The following PATL1 variants were observed in gnomAD, a reference collection of about 807,000 sequenced individuals.
PATL1 encodes the protein PAT1 homolog 1, processing body mRNA decay factor.
In PATL1, 32 loss-of-function variants were observed where a neutral mutation model predicts 100.6. The ratio of observed to expected loss-of-function variants is 0.32; its 90% CI spans 0.24 to 0.43. The LOEUF is 0.43. PATL1 is among the 20% of genes least tolerant of loss of function. PATL1 has a pLI of 1.00. For missense variants in PATL1, 747 were observed against 949.9 expected (o/e 0.79, Z 2.81); for synonymous variants, 332 against 330.0 (o/e 1.01, Z -0.07).
chr11:59,652,442 A>G, intron 11 of PATL1, 22 bp downstream of exon 11: 1 of 1,589,076 alleles, frequency 6.3e-7, no homozygotes, highest in Non-Finnish European at 8.5e-7. Context: ...TATTATGGGC[A>G]TTTTTCTTAT....
chr11:59,654,124 ATT>A, intron 8 of PATL1, 52 bp from the exon 9 acceptor site: 1 of 1,443,292 alleles, frequency 6.9e-7, no homozygotes, highest in African/African-American at 1.4e-5. Flanking sequence ...ATGACTTGAA[ATT>A]TTAAAGAATG....
At chr11:59,640,992 C>G (rs950422053) in intron 16 of PATL1, among the ~76,000 whole-genome samples, 3 of 152,008 alleles carry the variant, frequency 2.0e-5, no homozygotes, top group Non-Finnish European at 4.4e-5. Flanking sequence ...GCCAACATGG[C>G]AAAACCCTGT....
At chr11:59,656,140 A>G in intron 6 of PATL1, 95 bp from the exon 7 acceptor site, 1 of 713,396 alleles carries the variant, frequency 1.4e-6, no homozygotes, top group Non-Finnish European at 2.2e-6. Context: ...ATAAACTTGG[A>G]TATAAAAACT....
intron 2 of PATL1, among the ~76,000 whole-genome samples, chr11:59,663,989 A>G (rs1323991868): frequency 6.6e-6 from 1 of 152,184 alleles, no homozygotes; most frequent in African/African-American, 2.4e-5. Flanking sequence ...TGTTATGAGG[A>G]ATTAAGATCT....
chr11:59,665,852 T>C (rs1861679890), intron 2 of PATL1, among the ~76,000 whole-genome samples: 1 of 152,234 alleles, frequency 6.6e-6, no homozygotes, highest in Non-Finnish European at 1.5e-5. Context: ...CCACTTGTTC[T>C]ACACCTGTTC....
Position 59,656,472 on chromosome 11 carries a change from A to G in PATL1, c.723+27T>C, listed in dbSNP as rs778628991. The G allele has an allele frequency of 1.9e-6, 3 of 1,575,270 alleles. No homozygotes were observed. In the Admixed American group the frequency reaches 5.0e-5, roughly 26 times the overall value. ...AGTGATCAGAAAATACATACTGCAC[A>G]TTTTTGTTAGGCTTAAAGTGACATA... On this transcript the variant is annotated intron_variant, in intron 6 of 18. Transcript: ENST00000300146.
intron 15 of PATL1, among the ~76,000 whole-genome samples, chr11:59,645,746 T>C (rs556744992): frequency 6.6e-6 from 1 of 152,310 alleles, no homozygotes; most frequent in South Asian, 2.1e-4. Flanking sequence ...TGAAAATTAT[T>C]CCACTTTTGG....
rs114449363 is a variant in PATL1 at position 59,654,036 on chromosome 11, G to A, written c.1068C>T (p.His356=). 1,022 of 1,613,856 alleles carry A rather than the reference G, an allele frequency of 6.3e-4. 3 individuals are homozygous for A. The African/African-American group carries it at 0.012, about 19-fold the overall frequency. ...QAPMFRPDTT[H]LHPQHRRLLH... ...AGAGTCGACGGTGCTGTGGATGGAG[G>A]TGAGTTGTGTCCGGTCTAAACATTG... is the stretch of plus-strand genomic sequence containing the variant. Residue 356 remains histidine, a synonymous_variant, in exon 9 of 19, where the codon CAC becomes CAT. Transcript: ENST00000300146.
In PATL1 at chr11:59,665,585, G is replaced by T. The variant is rs372670647; in HGVS notation, c.127+1268C>A. 9.0e-3 allele frequency among the ~76,000 whole-genome samples: 1,367 copies of T among 152,204 alleles called. 19 individuals are homozygous for T. The highest frequency in any genetic ancestry group is 0.03 in the African/African-American group (1,265 of 41,518). ...GGAGGCTGAGGAGGGATCACTTGAG[G>T]TCAGGAGTTCATGACCACCCTGGCC... On this transcript the variant is annotated intron_variant, in intron 2 of 18. Transcript: ENST00000300146.
chr11:59,655,918 GGA>G, intron 7 of PATL1, 36 bp downstream of exon 7: 1 of 1,480,264 alleles, frequency 6.8e-7, no homozygotes, highest in Non-Finnish European at 9.3e-7. Flanking sequence ...TAGGAAAGTA[GGA>G]GAGTTCTTTA....
intron 13 of PATL1, among the ~76,000 whole-genome samples, chr11:59,650,106 A>C (rs1332993898): frequency 6.9e-6 from 1 of 144,286 alleles, no homozygotes; most frequent in Admixed American, 6.9e-5. Context: ...GGGGAACAAG[A>C]GTGAAACTCC....
chr11:59,640,535 C>T (rs750556723), intron 16 of PATL1, among the ~76,000 whole-genome samples: 62 of 148,718 alleles, frequency 4.2e-4, no homozygotes, highest in Admixed American at 1.0e-3. Context: ...CTGGCTAACA[C>T]GGTGAAACCC....
intron 6 of PATL1, 119 bp from the exon 7 acceptor site, chr11:59,656,164 G>A: frequency 1.6e-6 from 1 of 606,322 alleles, no homozygotes. Context: ...AAATTACAGA[G>A]TCAAGCTCTG....
chr11:59,643,753 GGAA>G (rs921023828), intron 15 of PATL1, among the ~76,000 whole-genome samples: 3 of 152,066 alleles, frequency 2.0e-5, no homozygotes, highest in Non-Finnish European at 2.9e-5. Flanking sequence ...AGCTCAATGA[GGAA>G]GAAAAGAAAT....
chr11:59,637,916 T>G lies in PATL1; in HGVS notation c.*474A>C, dbSNP rs941414982. 5 of 157,708 alleles carry G rather than the reference T, an allele frequency of 3.2e-5. No homozygotes were observed. The highest frequency in any genetic ancestry group is 7.0e-5 in the Non-Finnish European group (5 of 71,306). The allele number at this position is 157,708 out of a possible 1,614,324, so 9.8% of individuals were successfully genotyped here. On this transcript the variant is annotated 3_prime_UTR_variant, in exon 19 of 19. Transcript: ENST00000300146. Reference sequence around the variant, plus strand: ...AGACCACATAAATACATGTATGGGGTGTGTGTGTGTGTATCTATGTGTGTG... The same window carrying G: ...AGACCACATAAATACATGTATGGGGGGTGTGTGTGTGTATCTATGTGTGTG...
chr11:59,650,135 A>AG (rs1311865143), intron 13 of PATL1, among the ~76,000 whole-genome samples: 2 of 138,126 alleles, frequency 1.4e-5, no homozygotes, highest in African/African-American at 5.0e-5. Context: ...AGGAAAAAAA[A>AG]AAAAAAAAAA....
At chr11:59,652,174 A>T (rs1861457427) in intron 11 of PATL1, among the ~76,000 whole-genome samples, 2 of 151,962 alleles carry the variant, frequency 1.3e-5, no homozygotes, top group Non-Finnish European at 2.9e-5. Context: ...ATCACAATAA[A>T]AATCTGAAGT....
At chr11:59,638,965 G>A in intron 18 of PATL1, 83 bp downstream of exon 18, 1 of 1,459,350 alleles carries the variant, frequency 6.9e-7, no homozygotes, top group South Asian at 1.3e-5. Context: ...TTACAGGTGT[G>A]AGCCACCGTA....
chr11:59,638,109 G>A lies in PATL1; in HGVS notation c.*281C>T, dbSNP rs1207187439. On this transcript the variant is annotated 3_prime_UTR_variant, in exon 19 of 19. Coordinates refer to ENST00000300146, the MANE Select transcript of PATL1 (RefSeq NM_152716.3). ...GGAGAGATTACACTTGTGTCTCTAGGGCAAAGAAAATGCAAAACAGAACTG... is the reference window on the plus strand; with the variant it reads ...GGAGAGATTACACTTGTGTCTCTAGAGCAAAGAAAATGCAAAACAGAACTG... 4.1e-6 allele frequency: 2 copies of A among 482,798 alleles called. No individual in the cohort carries two copies. Among genetic ancestry groups the A allele is most frequent in the Non-Finnish European group, 7.5e-6 (2 of 265,404 alleles). 29.9% of individuals were successfully genotyped at this position (482,798 alleles called of 1,614,324 possible).
Sources: allele counts gnomAD v4.1 joint callset (sites outside exome capture counted in the v4.1 genomes callset), GRCh38; gene constraint gnomAD v4.1.1; transcripts MANE v1.5; gene names NCBI Gene and HGNC (gene_info 2026-07-23, HGNC 2026-07-21).